GSTCD: variants seen among roughly 807,000 people sequenced by gnomAD.
The protein encoded by GSTCD is glutathione S-transferase C-terminal domain containing, also known as glutathione S-transferase C-terminal domain-containing protein.
A neutral mutation model predicts 68.3 loss-of-function variants in GSTCD; 44 were observed. That is an observed-to-expected ratio of 0.64 (90% CI 0.51 to 0.83). GSTCD has a LOEUF of 0.83. Among genes scored for constraint, GSTCD ranks in the 40% least tolerant of loss-of-function variants. The probability of loss-of-function intolerance (pLI) is 0.00; values close to 1 mark genes in which losing one functional copy is unlikely to be tolerated. For missense variants in GSTCD, 739 were observed against 735.9 expected, an observed-to-expected ratio of 1.00 and a Z score of -0.05; for synonymous variants, 273 against 255.2, an observed-to-expected ratio of 1.07 and a Z score of -0.67.
intron 5 of GSTCD, among the ~76,000 whole-genome samples, chr4:105,804,788 C>T (rs973396874): frequency 6.6e-6 from 1 of 152,076 alleles, no homozygotes; most frequent in African/African-American, 2.4e-5. Flanking sequence ...TTTCCTGATG[C>T]TCTCCACCCT....
intron 5 of GSTCD, among the ~76,000 whole-genome samples, chr4:105,776,485 A>G (rs1311031139): frequency 6.6e-6 from 1 of 152,156 alleles, no homozygotes; most frequent in Non-Finnish European, 1.5e-5. Flanking sequence ...CCAAGGGAAT[A>G]TCCTGGACTT....
rs375174328 is a variant in GSTCD, at chr4:105,823,324, T to G, written c.1401+49T>G. On this transcript the variant is annotated intron_variant, in intron 7 of 11. Coordinates refer to ENST00000515279, the MANE Select transcript of GSTCD (RefSeq NM_001370181.1). ...AGGAAATATTTTAAAATTATACAGT[T>G]CAGCTAGCCAAATTTGGTTTATCCC... is the stretch of plus-strand genomic sequence containing the variant. 1.1e-4 allele frequency: 174 copies of G among 1,579,602 alleles called. No individual in the cohort carries two copies. The African/African-American group carries it at 2.1e-3, about 19-fold the overall frequency.
chr4:105,833,616 T>A (rs1413646826), intron 8 of GSTCD, among the ~76,000 whole-genome samples: 1 of 152,212 alleles, frequency 6.6e-6, no homozygotes, highest in Non-Finnish European at 1.5e-5. Context: ...TTTTTGGTGT[T>A]TTTTGTCAAA....
intron 1 of GSTCD, among the ~76,000 whole-genome samples, chr4:105,713,450 G>A (rs1377696812): frequency 1.3e-5 from 2 of 152,112 alleles, no homozygotes; most frequent in Non-Finnish European, 2.9e-5. Context: ...TTTCACTTTG[G>A]TAAAATTGCT....
chr4:105,745,291 A>G (rs772604363), intron 5 of GSTCD, among the ~76,000 whole-genome samples: 62 of 152,226 alleles, frequency 4.1e-4, no homozygotes, highest in Non-Finnish European at 8.4e-4. Context: ...CAAAGTTCTC[A>G]TGCAGATACT....
chr4:105,754,544 A>G (rs1265322600), intron 5 of GSTCD, among the ~76,000 whole-genome samples: 2 of 152,222 alleles, frequency 1.3e-5, no homozygotes, highest in Non-Finnish European at 2.9e-5. Flanking sequence ...ACAAAAATGC[A>G]AACATGCTTC....
intron 10 of GSTCD, among the ~76,000 whole-genome samples, chr4:105,838,701 A>G (rs1187265033): frequency 1.3e-5 from 2 of 152,242 alleles, no homozygotes; most frequent in Non-Finnish European, 2.9e-5. Context: ...TTAGTCACCA[A>G]TCTGATCAAA....
intron 5 of GSTCD, among the ~76,000 whole-genome samples, chr4:105,782,317 G>A (rs527615077): frequency 3.3e-5 from 5 of 152,222 alleles, no homozygotes; most frequent in African/African-American, 1.2e-4. Flanking sequence ...GGGCAACATA[G>A]CAAGATCTCA....
chr4:105,816,230 G>A (rs1722976324), intron 5 of GSTCD, among the ~76,000 whole-genome samples: 1 of 152,082 alleles, frequency 6.6e-6, no homozygotes, highest in Admixed American at 6.6e-5. Context: ...AGGGTGAAAG[G>A]TGCATGATAT....
chr4:105,709,610 C>T (rs1482048257), intron 1 of GSTCD, among the ~76,000 whole-genome samples: 25 of 152,314 alleles, frequency 1.6e-4, no homozygotes, highest in African/African-American at 5.8e-4. Context: ...TGCTAATACA[C>T]GTACTTCCCA....
chr4:105,774,263 G>T (rs1734967556), intron 5 of GSTCD, among the ~76,000 whole-genome samples: 1 of 152,028 alleles, frequency 6.6e-6, no homozygotes, highest in Non-Finnish European at 1.5e-5. Flanking sequence ...ACATGAGATG[G>T]CTCTCTTGAA....
intron 5 of GSTCD, among the ~76,000 whole-genome samples, chr4:105,819,498 A>G (rs1723170311): frequency 6.6e-6 from 1 of 151,790 alleles, no homozygotes; most frequent in Non-Finnish European, 1.5e-5. Flanking sequence ...CTGCATATAG[A>G]TGAGTATTGG....
chr4:105,771,451 A>C (rs1364267979), intron 5 of GSTCD, among the ~76,000 whole-genome samples: 1 of 152,030 alleles, frequency 6.6e-6, no homozygotes, highest in Non-Finnish European at 1.5e-5. Flanking sequence ...GCCCATTCCT[A>C]TGTCCTGAAT....
chr4:105,726,645 A>G lies in GSTCD; in HGVS notation c.961A>G (p.Arg321Gly), dbSNP rs750244149. 40 of 1,613,474 alleles carry G rather than the reference A, an allele frequency of 2.5e-5. No homozygotes were observed. Among genetic ancestry groups the G allele is most frequent in the Non-Finnish European group, 3.2e-5 (38 of 1,179,568 alleles). ...TCCATTGCTAGCCTCTTGGTACCAGAGGATTCAGGAAGTGCCAGGAGTAAA... is the reference window on the plus strand; with the variant it reads ...TCCATTGCTAGCCTCTTGGTACCAGGGGATTCAGGAAGTGCCAGGAGTAAA... ...EFPLLASWYQ[R>G]IQEVPGVKTA... Residue 321 changes from arginine to glycine, a missense_variant, in exon 4 of 12, where the codon AGG (arginine) becomes GGG (glycine). Physicochemically the swap from Arg to Gly is moderately radical, Grantham distance 125. Coordinates refer to ENST00000515279, the MANE Select transcript of GSTCD (RefSeq NM_001370181.1).
rs985135755 is a variant in GSTCD, at chr4:105,719,426, G to T, written c.793G>T (p.Ala265Ser). 4 of 1,613,954 alleles carry T rather than the reference G, an allele frequency of 2.5e-6. No individual in the cohort carries two copies. The Admixed American group carries it at 5.0e-5, about 20-fold the overall frequency. The change falls in exon 3 of 12, where the codon GCA (alanine) becomes TCA (serine). Residue 265 changes from alanine (A) to serine (S), a missense_variant. Transcript: ENST00000515279. ...TNREPSHIRK[A>S]KASDLPPLEH... Reference sequence around the variant, plus strand: ...CAGAGAGCCTTCTCACATCAGAAAAGCAAAAGCCTCCGACCTTCCACCTCT... The same window carrying T: ...CAGAGAGCCTTCTCACATCAGAAAATCAAAAGCCTCCGACCTTCCACCTCT...
At chr4:105,795,238 G>A (rs1317186959) in intron 5 of GSTCD, among the ~76,000 whole-genome samples, 1 of 151,876 alleles carries the variant, frequency 6.6e-6, no homozygotes, top group East Asian at 1.9e-4. Flanking sequence ...CATGCTTCTT[G>A]TTTTCCAATG....
At chr4:105,804,880 G>T (rs1160571689) in intron 5 of GSTCD, among the ~76,000 whole-genome samples, 1 of 152,014 alleles carries the variant, frequency 6.6e-6, no homozygotes, top group African/African-American at 2.4e-5. Flanking sequence ...GTTTATAAGT[G>T]AGAACATGCA....
At chr4:105,796,377 G>A (rs1735889331) in intron 5 of GSTCD, among the ~76,000 whole-genome samples, 2 of 152,292 alleles carry the variant, frequency 1.3e-5, no homozygotes, top group South Asian at 4.1e-4. Flanking sequence ...AATTCAAGAT[G>A]AGATTTGGGT....
intron 5 of GSTCD, among the ~76,000 whole-genome samples, chr4:105,808,841 A>T (rs1057480727): frequency 6.6e-6 from 1 of 152,120 alleles, no homozygotes; most frequent in Non-Finnish European, 1.5e-5. Flanking sequence ...GACATGAATC[A>T]TTCCTTTGCC....
Sources: allele counts gnomAD v4.1 joint callset (sites outside exome capture counted in the v4.1 genomes callset), GRCh38; gene constraint gnomAD v4.1.1; transcripts MANE v1.5; gene names NCBI Gene and HGNC (gene_info 2026-07-23, HGNC 2026-07-21).